The following TREML2 variants were observed in gnomAD, a reference collection of about 807,000 sequenced individuals.
The protein encoded by TREML2 is triggering receptor expressed on myeloid cells like 2, also known as trem-like transcript 2 protein.
In TREML2, 24 loss-of-function variants were observed where a neutral mutation model predicts 25.9. The observed-to-expected ratio is 0.93, with a 90% CI of 0.67 to 1.30. The LOEUF (loss-of-function observed/expected upper bound fraction) is 1.30, where lower values mean the gene tolerates loss of function less well. Ranked by LOEUF, TREML2 falls within the 50% of genes most tolerant of loss-of-function variation. The probability of loss-of-function intolerance (pLI) is 0.00; values close to 1 mark genes in which losing one functional copy is unlikely to be tolerated. For missense variants in TREML2, 359 were observed against 395.6 expected (o/e 0.91, Z 0.78); for synonymous variants, 139 against 155.2 (o/e 0.90, Z 0.77).
chr6:41,199,286 T>C (rs1766234690), intron 1 of TREML2, among the ~76,000 whole-genome samples: 1 of 152,246 alleles, frequency 6.6e-6, no homozygotes, highest in Admixed American at 6.5e-5. Flanking sequence ...TAAGAAAATC[T>C]AGTATTTGAA....
chr6:41,192,912 G>A lies in TREML2; in HGVS notation c.786-11C>T. ...TAAACATCCTGGTGCCTGAGAAGAA[G>A]GGACAGGGTGGAAGCGGGTGAGCAC... On this transcript the variant is annotated splice_polypyrimidine_tract_variant and intron_variant, in intron 3 of 4. Coordinates refer to ENST00000483722, the MANE Select transcript of TREML2 (RefSeq NM_024807.4). 1.3e-6 allele frequency: 2 copies of A among 1,552,172 alleles called. No individual in the cohort carries two copies.
chr6:41,193,526 A>G (rs933336174), intron 3 of TREML2, among the ~76,000 whole-genome samples: 11 of 147,310 alleles, frequency 7.5e-5, no homozygotes, highest in African/African-American at 3.0e-4. Context: ...TGTGCACAGC[A>G]GCTGCTTGGT....
In TREML2 at chr6:41,192,499, G is replaced by A. The variant is rs1181510353; in HGVS notation, c.894C>T (p.Ser298=). 10 of 1,613,658 alleles carry A rather than the reference G, an allele frequency of 6.2e-6. No individual in the cohort carries two copies. In the South Asian group the frequency reaches 9.9e-5, roughly 16 times the overall value. The part of the protein sequence containing the change: ...FWKKRHMASY[S]MCSDPSTRDP... The stretch of plus-strand genomic sequence containing the variant: ...CACGTGTAGAAGGATCGCTGCACAT[G>A]CTGTAGCCTGCAAGAAACAGGGAGA... Residue 298 remains serine, a synonymous_variant, in exon 5 of 5, where the codon AGC becomes AGT. Transcript: ENST00000483722.
intron 4 of TREML2, 100 bp downstream of exon 4, chr6:41,192,701 C>T: frequency 8.0e-7 from 1 of 1,246,826 alleles, no homozygotes; most frequent in Non-Finnish European, 1.1e-6. Context: ...TGACTGGACA[C>T]AGGCCAAGGG....
chr6:41,194,870 G>C, intron 2 of TREML2, 37 bp from the exon 3 acceptor site: 1 of 1,533,544 alleles, frequency 6.5e-7, no homozygotes, highest in African/African-American at 1.4e-5. Context: ...AGATTGACTT[G>C]GGTGCCTCAG....
chr6:41,192,956 C>T, intron 3 of TREML2, 55 bp from the exon 4 acceptor site: 2 of 1,427,504 alleles, frequency 1.4e-6, no homozygotes, highest in Non-Finnish European at 1.9e-6. Flanking sequence ...CCCATCCTAA[C>T]CCACGTTGGG....
Position 41,198,180 on chromosome 6 carries a change from C to T in TREML2, c.305G>A (p.Arg102Gln), listed in dbSNP as rs762890750. 1.4e-5 allele frequency: 22 copies of T among 1,614,100 alleles called. No individual in the cohort carries two copies. Among genetic ancestry groups the T allele is most frequent in the African/African-American group, 5.3e-5 (4 of 74,940 alleles). Residue 102 changes from arginine (R) to glutamine (Q), a missense_variant, in exon 2 of 5, where the codon CGA becomes CAA. Arg to Gln is a conservative substitution (Grantham distance 43, BLOSUM62 1). Transcript: ENST00000483722. The part of the protein sequence containing the change: ...MVALKLQDSG[R>Q]YWCMRNTSGI... ...AGAGGTGTTGCGCATGCACCAGTAT[C>T]GGCCTGAGTCCTGGAGCTTGAGGGC...
Position 41,190,196 on chromosome 6 carries a change from T to G in TREML2, c.*2231A>C, listed in dbSNP as rs1253565797. On this transcript the variant is annotated 3_prime_UTR_variant, in exon 5 of 5. Transcript: ENST00000483722. ...CCACCCTAACTGCCTGCCTGACTGG[T>G]TTCTTCCTTTCTCCTCTCTCACTCC... is the stretch of plus-strand genomic sequence containing the variant. 1 of 151,278 alleles carries G rather than the reference T, an allele frequency of 6.6e-6. No individual in the cohort carries two copies. Among genetic ancestry groups the G allele is most frequent in the African/African-American group, 2.4e-5 (1 of 41,100 alleles). 9.4% of individuals were successfully genotyped at this position (151,278 alleles called of 1,614,324 possible). A position where few individuals can be genotyped will look rare whatever the true frequency, so the allele number is the denominator to read the frequency against.
chr6:41,192,405 C>T lies in TREML2; in HGVS notation c.*22G>A. On this transcript the variant is annotated 3_prime_UTR_variant, in exon 5 of 5. Transcript: ENST00000483722. ...CCTGGGGCCACTCTGGGAGAAGCTC[C>T]CCACCCCATGCTTAAGTGGCCTCAG... 6.2e-7 allele frequency: 1 copy of T among 1,606,986 alleles called. No individual in the cohort carries two copies. Among genetic ancestry groups the T allele is most frequent in the African/African-American group, 1.3e-5 (1 of 74,868 alleles).
intron 1 of TREML2, 69 bp downstream of exon 1, chr6:41,200,885 G>A (rs1766260575): frequency 3.6e-6 from 5 of 1,370,902 alleles, no homozygotes; most frequent in Middle Eastern, 1.9e-4. Context: ...AGGAGGGTAA[G>A]AAAAAGGCCC....
At chr6:41,193,345 G>T (rs555841683) in intron 3 of TREML2, among the ~76,000 whole-genome samples, 1 of 152,230 alleles carries the variant, frequency 6.6e-6, no homozygotes, top group Non-Finnish European at 1.5e-5. Flanking sequence ...TTTTCTGTGG[G>T]TGGGAGGCTG....
intron 3 of TREML2, 50 bp from the exon 4 acceptor site, chr6:41,192,951 CCTAA>C: frequency 2.8e-6 from 4 of 1,451,668 alleles, no homozygotes; most frequent in Non-Finnish European, 3.7e-6. Flanking sequence ...GGTCCCCCAT[CCTAA>C]CCCACGTTGG....
intron 1 of TREML2, among the ~76,000 whole-genome samples, chr6:41,199,308 C>G (rs1398388221): frequency 1.3e-5 from 2 of 152,180 alleles, no homozygotes; most frequent in South Asian, 4.1e-4. Context: ...ATATGATTAA[C>G]AGTTATTTAT....
chr6:41,195,567 G>T lies in TREML2; in HGVS notation c.377-734C>A, dbSNP rs372362399. Among the ~76,000 whole-genome samples, 13 of 152,206 alleles carry T rather than the reference G, an allele frequency of 8.5e-5. No individual in the cohort carries two copies. The East Asian group carries it at 1.9e-3, about 23-fold the overall frequency. ...TAAGGGCCAAATTGTCATCATGGAA[G>T]GTGGCTGAGCTTGAGCCATTTTTCT... On this transcript the variant is annotated intron_variant, in intron 2 of 4. Transcript: ENST00000483722.
At chr6:41,192,730 C>T (rs940312042) in intron 4 of TREML2, 71 bp downstream of exon 4, 21 of 1,405,388 alleles carry the variant, frequency 1.5e-5, no homozygotes, top group Middle Eastern at 1.8e-4. Context: ...CGTGGGGACT[C>T]GAGGTCATAA....
At chr6:41,200,370 A>G (rs1582100365) in intron 1 of TREML2, among the ~76,000 whole-genome samples, 1 of 152,130 alleles carries the variant, frequency 6.6e-6, no homozygotes, top group East Asian at 1.9e-4. Context: ...CACCCCTCTC[A>G]CAGGCAGTGG....
At position 41,192,781 on chromosome 6, in the gene TREML2, G is replaced by T; in HGVS notation, c.886+20C>A. 2 of 1,602,356 alleles carry T rather than the reference G, an allele frequency of 1.2e-6. No individual in the cohort carries two copies. Among genetic ancestry groups the T allele is most frequent in the South Asian group, 1.1e-5 (1 of 90,052 alleles). ...CCCAGAGCTCTGCCCTCAGGAGGCT[G>T]GGAGGTGGGCTCTACTCACTTGCCA... On this transcript the variant is annotated intron_variant, in intron 4 of 4. Coordinates refer to ENST00000483722, the MANE Select transcript of TREML2 (RefSeq NM_024807.4).
chr6:41,191,168 CCTGTGTGTGTGTGTGT>C lies in TREML2; in HGVS notation c.*1243_*1258del, dbSNP rs1452298571. The C allele has an allele frequency of 4.2e-5, 5 of 119,956 alleles. No individual in the cohort carries two copies. Among genetic ancestry groups the C allele is most frequent in the African/African-American group, 6.3e-5 (2 of 31,676 alleles). The allele number at this position is 119,956 out of a possible 1,614,324, so 7.4% of individuals were successfully genotyped here. On this transcript the variant is annotated 3_prime_UTR_variant, in exon 5 of 5. Transcript: ENST00000483722. ...TCCAGTCACTCCAGGTCAGTAGACA[CCTGTGTGTGTGTGTGT>C]GTGTGTGTGTGTGTGTGTGTGTGTG...
In TREML2 at chr6:41,194,660, G is replaced by T. The variant is rs1260797970; in HGVS notation, c.550C>A (p.Pro184Thr). The T allele has an allele frequency of 6.2e-7, 1 of 1,614,110 alleles. No individual in the cohort carries two copies. The highest frequency in any genetic ancestry group is 8.5e-7 in the Non-Finnish European group (1 of 1,179,992). Residue 184 changes from proline (P) to threonine (T), a missense_variant, in exon 3 of 5, where the codon CCT becomes ACT. Coordinates refer to ENST00000483722, the MANE Select transcript of TREML2 (RefSeq NM_024807.4). The part of the protein sequence containing the change: ...TLPRLLASTR[P>T]ASKTGYSFTA... ...AAGCTGTAGCCTGTCTTGGAGGCAG[G>T]TCTGGTGGAGGCTAAGAGCCTAGGC... is the stretch of plus-strand genomic sequence containing the variant.
Sources: gnomAD v4.1 joint callset for allele counts (sites outside exome capture counted in the v4.1 genomes callset) on GRCh38, gnomAD v4.1.1 for gene constraint, MANE v1.5 for transcripts, NCBI Gene and HGNC (gene_info 2026-07-23, HGNC 2026-07-21) for gene names.